Variants in BRDT observed in about 807,000 individuals in gnomAD.
The protein encoded by BRDT is bromodomain testis-specific protein.
BRDT carries 77 observed loss-of-function variants against 113.9 expected under a neutral mutation model. That is an observed-to-expected ratio of 0.68 (90% confidence interval 0.56 to 0.82). BRDT has a LOEUF of 0.82. BRDT is among the 40% of genes least tolerant of loss of function. The pLI, the probability that BRDT is intolerant of heterozygous loss-of-function variation, is 0.00. For synonymous variants in BRDT, 358 were observed against 366.5 expected (o/e 0.98, Z 0.26); for missense variants, 1,027 against 1,105.4 (o/e 0.93, Z 1.01).
chr1:92,009,607 C>T (rs953849576), intron 18 of BRDT, among the ~76,000 whole-genome samples: 2 of 134,526 alleles, frequency 1.5e-5, no homozygotes, highest in Non-Finnish European at 3.1e-5. Flanking sequence ...TGGAGTGCAG[C>T]GCCATGATCA....
chr1:92,004,459 C>T lies in BRDT; in HGVS notation c.2434C>T (p.Pro812Ser), dbSNP rs1488433937. ...AGATTCATGGAAAAGTTTAGGCAAACCAGTGAAACCATCAGGTGTAATGAA... is the reference window on the plus strand; with the variant it reads ...AGATTCATGGAAAAGTTTAGGCAAATCAGTGAAACCATCAGGTGTAATGAA... ...NADSWKSLGK[P>S]VKPSGVMKSS... is the part of the protein sequence containing the mutation. Residue 812 changes from proline (P) to serine (S), a missense_variant, in exon 17 of 19, where the codon CCA becomes TCA. By Grantham distance (74) the Pro-to-Ser change is moderately conservative. Coordinates refer to ENST00000399546, the MANE Select transcript of BRDT (RefSeq NM_207189.4). 1.9e-6 allele frequency: 3 copies of T among 1,610,432 alleles called. No homozygotes were observed. Among genetic ancestry groups the T allele is most frequent in the Admixed American group, 3.4e-5 (2 of 59,080 alleles).
intron 1 of BRDT, among the ~76,000 whole-genome samples, chr1:91,953,930 T>G (rs1435464774): frequency 6.6e-6 from 1 of 151,980 alleles, no homozygotes; most frequent in Non-Finnish European, 1.5e-5. Context: ...ATACATTTTT[T>G]TTTTTACTTA....
Position 92,010,199 on chromosome 1 carries a change from G to GT in BRDT, c.2776-4006dup, listed in dbSNP as rs538332230. On this transcript the variant is annotated intron_variant, in intron 18 of 18. Coordinates refer to ENST00000399546, the MANE Select transcript of BRDT (RefSeq NM_207189.4). ...AAATAATATCCCACCTCACTCCCTTGTGAGGACTCCAATTATTTATGTATT... is the reference window on the plus strand; with the variant it reads ...AAATAATATCCCACCTCACTCCCTTGTTGAGGACTCCAATTATTTATGTATT... 5.9e-4 allele frequency among the ~76,000 whole-genome samples: 89 copies of GT among 150,360 alleles called. No homozygotes were observed. The East Asian group carries it at 0.013, about 22-fold the overall frequency.
chr1:91,981,376 C>T lies in BRDT; in HGVS notation c.1859C>T (p.Thr620Ile). Residue 620 changes from threonine (T) to isoleucine (I), a missense_variant, in exon 11 of 19, where the codon ACA (threonine) becomes ATA (isoleucine). Thr to Ile is a moderately conservative substitution (Grantham distance 89). Coordinates refer to ENST00000399546, the MANE Select transcript of BRDT (RefSeq NM_207189.4). ...CAGTTAAATTCTAGAAAACGTCAAA[C>T]AAAATGTAGGTGGCAGTTTTTGTTT... ...NNQLNSRKRQ[T>I]KSDKTQPSKA... 1 of 1,611,482 alleles carries T rather than the reference C, an allele frequency of 6.2e-7. No individual in the cohort carries two copies. The highest frequency in any genetic ancestry group is 8.5e-7 in the Non-Finnish European group (1 of 1,178,064).
At position 91,967,590 on chromosome 1, in the gene BRDT, G is replaced by T. The variant is rs189893118; in HGVS notation, c.331-556G>T. Among the ~76,000 whole-genome samples the T allele has an allele frequency of 7.1e-3, 1,080 of 152,236 alleles. 7 individuals carry two copies. The highest frequency in any genetic ancestry group is 0.011 in the Non-Finnish European group (717 of 68,026). The stretch of plus-strand genomic sequence containing the variant: ...ATTTTGTATTTTTAGTAGAGATGGG[G>T]TTTCTCCACGTTTGTCAGGCTGGTC... On this transcript the variant is annotated intron_variant, in intron 3 of 18. Transcript: ENST00000399546.
chr1:91,956,088 GT>G (rs1338944887), intron 1 of BRDT, among the ~76,000 whole-genome samples: 2 of 152,100 alleles, frequency 1.3e-5, no homozygotes, highest in Admixed American at 1.3e-4. Context: ...GACTTCACAA[GT>G]TTTTTTGAGC....
chr1:91,977,934 T>C (rs1326328339), intron 6 of BRDT, among the ~76,000 whole-genome samples: 1 of 152,180 alleles, frequency 6.6e-6, no homozygotes, highest in Non-Finnish European at 1.5e-5. Context: ...CAGTTCTCTT[T>C]ACATGGAATG....
chr1:91,969,230 G>T (rs927404615), intron 4 of BRDT, among the ~76,000 whole-genome samples: 1 of 151,932 alleles, frequency 6.6e-6, no homozygotes, highest in African/African-American at 2.4e-5. Context: ...GTGAGCCACC[G>T]CGCCTGGCCC....
At position 91,981,462 on chromosome 1, in the gene BRDT, C is replaced by G; in HGVS notation, c.1864+81C>G. 10 of 1,502,844 alleles carry G rather than the reference C, an allele frequency of 6.7e-6. No homozygotes were observed. In the South Asian group the frequency reaches 1.2e-4, roughly 18 times the overall value. 93.1% of individuals were successfully genotyped at this position (1,502,844 alleles called of 1,614,324 possible). On this transcript the variant is annotated intron_variant, in intron 11 of 18. Transcript: ENST00000399546. ...GTCTTGTGATATTGCCCAGGCTGGT[C>G]TTGAACTCCTGGCCTCATGTGATCC... is the stretch of plus-strand genomic sequence containing the variant.
chr1:92,005,567 C>G (rs1687219652), intron 18 of BRDT, among the ~76,000 whole-genome samples: 1 of 151,990 alleles, frequency 6.6e-6, no homozygotes, highest in Non-Finnish European at 1.5e-5. Context: ...TCTTTTGAGG[C>G]CAGGAGTTAG....
At chr1:91,975,084 G>C (rs986974916) in intron 4 of BRDT, among the ~76,000 whole-genome samples, 3 of 152,018 alleles carry the variant, frequency 2.0e-5, no homozygotes. Context: ...TGAACAATGA[G>C]AGCACTTGGA....
At chr1:91,963,547 C>G (rs979905560) in intron 2 of BRDT, among the ~76,000 whole-genome samples, 1 of 152,138 alleles carries the variant, frequency 6.6e-6, no homozygotes, top group African/African-American at 2.4e-5. Flanking sequence ...TTTCTCTTGA[C>G]ACTTCCTGGC....
chr1:91,965,050 A>G (rs1337734309), intron 3 of BRDT, among the ~76,000 whole-genome samples: 1 of 151,734 alleles, frequency 6.6e-6, no homozygotes, highest in African/African-American at 2.4e-5. Flanking sequence ...CTGGGAATAC[A>G]GGCACCCACC....
chr1:91,979,275 G>T (rs933615434), intron 7 of BRDT, among the ~76,000 whole-genome samples: 3 of 151,718 alleles, frequency 2.0e-5, no homozygotes, highest in Admixed American at 6.6e-5. Context: ...CACCACACGG[G>T]ACTAATTTTG....
chr1:92,002,112 C>A lies in BRDT; in HGVS notation c.2351C>A (p.Thr784Lys), dbSNP rs116454064. ...VMHPSGDSDT[T>K]MLESECQAPV... ...CATCCATCTGGTGATAGTGACACAA[C>A]GATGTTAGAATCTGAATGTCAAGCT... Residue 784 changes from threonine (T) to lysine (K), a missense_variant, in exon 16 of 19, where the codon ACG becomes AAG. Thr to Lys is a moderately conservative substitution (Grantham distance 78). Transcript: ENST00000399546. The A allele has an allele frequency of 1.2e-6, 2 of 1,613,578 alleles. No individual in the cohort carries two copies. The highest frequency in any genetic ancestry group is 2.2e-5 in the South Asian group (2 of 91,048).
Position 91,979,593 on chromosome 1 carries a change from A to G in BRDT, c.1123A>G (p.Lys375Glu). 6.2e-7 allele frequency: 1 copy of G among 1,606,880 alleles called. No homozygotes were observed. Among genetic ancestry groups the G allele is most frequent in the Non-Finnish European group, 8.5e-7 (1 of 1,178,520 alleles). The change falls in exon 8 of 19, where the codon AAG becomes GAG. Residue 375 changes from lysine (K) to glutamate (E), a missense_variant. By Grantham distance (56) the Lys-to-Glu change is moderately conservative. Coordinates refer to ENST00000399546, the MANE Select transcript of BRDT (RefSeq NM_207189.4). The stretch of plus-strand genomic sequence containing the variant: ...GGATGTTTTCGAAACGCATTTTTCA[A>G]AGATCCCGATTGAACCTGTTGAGAG... ...LQDVFETHFS[K>E]IPIEPVESMP...
In BRDT at chr1:91,980,988, G is replaced by A; in HGVS notation, c.1560G>A (p.Leu520=). ...ATGATGAGAAAAGGCAGTTAAGTCT[G>A]AATATAAACAAACTCCCTGGAGATA... ...MNYDEKRQLS[L]NINKLPGDKL... The change falls in exon 10 of 19, where the codon CTG becomes CTA. Residue 520 remains leucine, a synonymous_variant. Coordinates refer to ENST00000399546, the MANE Select transcript of BRDT (RefSeq NM_207189.4). 6.2e-7 allele frequency: 1 copy of A among 1,614,028 alleles called. No homozygotes were observed. Among genetic ancestry groups the A allele is most frequent in the Non-Finnish European group, 8.5e-7 (1 of 1,179,980 alleles).
At chr1:91,964,878 C>CGT (rs59328937) in intron 3 of BRDT, 114 bp downstream of exon 3, 11,985 of 343,556 alleles carry the variant, frequency 0.035, 246 homozygotes, top group East Asian at 0.081. Context: ...AGATACTTGA[C>CGT]GTGTGTGTGT....
rs563011786 is a variant in BRDT, at chr1:91,980,686, C to T, written c.1331C>T (p.Pro444Leu). 1.9e-6 allele frequency: 3 copies of T among 1,600,200 alleles called. No homozygotes were observed. Among genetic ancestry groups the T allele is most frequent in the Non-Finnish European group, 1.7e-6 (2 of 1,177,046 alleles). The change falls in exon 9 of 19, where the codon CCT becomes CTT. Residue 444 changes from proline (P) to leucine (L), a missense_variant. Pro to Leu is a moderately conservative substitution (Grantham distance 98). Transcript: ENST00000399546. ...HQQLQVLSQV[P>L]FRKLNKKKEK... ...CAGCTCCAGGTTTTGTCCCAAGTAC[C>T]TTTCCGTAAGCTAAATAAAAAGAAA...
Sources: gnomAD v4.1 joint callset for allele counts (sites outside exome capture counted in the v4.1 genomes callset) on GRCh38, gnomAD v4.1.1 for gene constraint, MANE v1.5 for transcripts, NCBI Gene and HGNC (gene_info 2026-07-23, HGNC 2026-07-21) for gene names.